The following ARSG variants were observed in gnomAD, a reference collection of about 807,000 sequenced individuals.
The protein encoded by ARSG is arylsulfatase G, also known as ASG.
Under a neutral mutation model 50.5 loss-of-function variants are expected in ARSG, and 37 were observed. The ratio of observed to expected loss-of-function variants is 0.73; its 90% CI spans 0.56 to 0.96. The LOEUF is 0.96. Among genes scored for constraint, ARSG ranks in the 50% least tolerant of loss-of-function variants. ARSG has a pLI of 0.00. For synonymous variants in ARSG, 225 were observed against 254.6 expected (o/e 0.88, Z 1.11); for missense variants, 629 against 675.3 (o/e 0.93, Z 0.76).
chr17:68,338,569 G>C (rs1445623243), intron 2 of ARSG, among the ~76,000 whole-genome samples: 4 of 152,106 alleles, frequency 2.6e-5, no homozygotes, highest in African/African-American at 9.7e-5. Context: ...ATAGTGCCAC[G>C]GCCAGGAGCA....
At chr17:68,426,251 G>GA, downstream of ARSG, 5 of 825,458 alleles carry the variant, frequency 6.1e-6, no homozygotes, top group Admixed American at 4.7e-5. Context: ...GTGGGGAGCG[G>GA]GGGCTCAAAT....
chr17:68,327,222 G>A (rs1330095371), intron 2 of ARSG, among the ~76,000 whole-genome samples: 7 of 152,150 alleles, frequency 4.6e-5, no homozygotes, highest in Admixed American at 1.3e-4. Context: ...GATTCCAGAT[G>A]TTCCAGGAAA....
chr17:68,352,174 A>G (rs1206948256), intron 5 of ARSG, among the ~76,000 whole-genome samples: 1 of 150,336 alleles, frequency 6.7e-6, no homozygotes. Flanking sequence ...AGAGAGAGAG[A>G]GAGAGAGAGA....
intron 1 of ARSG, among the ~76,000 whole-genome samples, chr17:68,298,537 G>C (rs1273595047): frequency 5.5e-5 from 8 of 146,604 alleles, no homozygotes; most frequent in African/African-American, 2.0e-4. Context: ...GGAGGTTGCA[G>C]TGAGCTGAGA....
chr17:68,369,075 T>C (rs2079694392), intron 7 of ARSG, among the ~76,000 whole-genome samples: 1 of 152,236 alleles, frequency 6.6e-6, no homozygotes, highest in Non-Finnish European at 1.5e-5. Context: ...AGTTCTAAGA[T>C]TTCCCTCTTC....
intron 2 of ARSG, among the ~76,000 whole-genome samples, chr17:68,318,725 AC>A (rs1433562128): frequency 6.6e-6 from 1 of 151,754 alleles, no homozygotes; most frequent in East Asian, 1.9e-4. Context: ...CCCCTTCTCT[AC>A]CCCTGGTTTA....
chr17:68,430,060 C>T, the ARSG span: 1 of 1,614,188 alleles, frequency 6.2e-7, no homozygotes, highest in Non-Finnish European at 8.5e-7. Flanking sequence ...AAAGCCCTGT[C>T]CTGATGCATC....
intron 6 of ARSG, among the ~76,000 whole-genome samples, chr17:68,361,679 C>G (rs1265582339): frequency 1.3e-5 from 2 of 152,042 alleles, no homozygotes; most frequent in Non-Finnish European, 2.9e-5. Flanking sequence ...TTTGGGAGGC[C>G]GAGGTGGGTA....
At chr17:68,262,420 A>G (rs1169412382) in intron 1 of ARSG, among the ~76,000 whole-genome samples, 1 of 152,092 alleles carries the variant, frequency 6.6e-6, no homozygotes, top group Non-Finnish European at 1.5e-5. Context: ...GCAGTGAGCC[A>G]AGATTGCACC....
intron 8 of ARSG, among the ~76,000 whole-genome samples, chr17:68,372,467 G>A (rs1490138502): frequency 2.0e-5 from 3 of 152,162 alleles, no homozygotes; most frequent in Non-Finnish European, 2.9e-5. Flanking sequence ...TACAATCATG[G>A]CAGAAGGCGA....
intron 6 of ARSG, among the ~76,000 whole-genome samples, chr17:68,368,212 T>C (rs59855003): frequency 0.36 from 54,716 of 152,124 alleles, 10,694 homozygotes; most frequent in Non-Finnish European, 0.44. Context: ...TGTAACTAAT[T>C]GCATATCCTG....
chr17:68,292,648 G>A (rs138063972), intron 1 of ARSG, among the ~76,000 whole-genome samples: 1 of 152,286 alleles, frequency 6.6e-6, no homozygotes, highest in Non-Finnish European at 1.5e-5. Context: ...TGCATGCACG[G>A]AGGGTCGCCA....
Position 68,307,556 on chromosome 17 carries a change from T to A in ARSG, c.63T>A (p.Pro21=), listed in dbSNP as rs144073994. The A allele has an allele frequency of 3.9e-4, 634 of 1,614,186 alleles. 5 individuals carry two copies. In the East Asian group the frequency reaches 0.012, roughly 31 times the overall value. ...AGVSFSGFLY[P]LVDFCISGKT... is the part of the protein sequence containing the mutation. Reference sequence around the variant, plus strand: ...TGAGTTTCTCAGGATTTCTTTATCCTCTTGTGGATTTTTGCATCAGTGGGA... The same window carrying A: ...TGAGTTTCTCAGGATTTCTTTATCCACTTGTGGATTTTTGCATCAGTGGGA... The change falls in exon 2 of 12, where the codon CCT becomes CCA. Residue 21 remains proline, a synonymous_variant. Transcript: ENST00000621439.
chr17:68,369,062 T>C (rs1279666854), intron 7 of ARSG, among the ~76,000 whole-genome samples: 1 of 152,262 alleles, frequency 6.6e-6, no homozygotes, highest in South Asian at 2.1e-4. Context: ...GTTGTCCCTG[T>C]GCAGTTCTAA....
At chr17:68,281,765 C>T (rs2075703275) in intron 1 of ARSG, among the ~76,000 whole-genome samples, 1 of 152,034 alleles carries the variant, frequency 6.6e-6, no homozygotes, top group Non-Finnish European at 1.5e-5. Context: ...AAAAAAATAA[C>T]AAATGCTGGC....
intron 9 of ARSG, among the ~76,000 whole-genome samples, chr17:68,389,422 C>T (rs1386950217): frequency 1.3e-5 from 2 of 152,038 alleles, no homozygotes; most frequent in African/African-American, 4.8e-5. Flanking sequence ...CAAATGTGAG[C>T]ATAGGCTTGC....
At chr17:68,264,014 T>A (rs2075114610) in intron 1 of ARSG, among the ~76,000 whole-genome samples, 1 of 151,958 alleles carries the variant, frequency 6.6e-6, no homozygotes, top group African/African-American at 2.4e-5. Context: ...CGCACCAACA[T>A]GTCCGGCTAA....
At chr17:68,413,159 G>A (rs1285947179) in intron 11 of ARSG, among the ~76,000 whole-genome samples, 1 of 152,112 alleles carries the variant, frequency 6.6e-6, no homozygotes, top group Non-Finnish European at 1.5e-5. Flanking sequence ...TTCCGTTGCT[G>A]GTGAGGAACT....
At chr17:68,294,229 C>T (rs7214027) in intron 1 of ARSG, among the ~76,000 whole-genome samples, 4,559 of 152,206 alleles carry the variant, frequency 0.03, 237 homozygotes, top group African/African-American at 0.1. Context: ...TAAGAAGACC[C>T]CCAACATCTT....
Sources: gnomAD v4.1 joint callset for allele counts (sites outside exome capture counted in the v4.1 genomes callset) on GRCh38, gnomAD v4.1.1 for gene constraint, MANE v1.5 for transcripts, NCBI Gene and HGNC (gene_info 2026-07-23, HGNC 2026-07-21) for gene names.